Variants in BRINP3 observed in about 807,000 individuals in gnomAD.
BRINP3 encodes BMP/retinoic acid-inducible neural-specific protein 3.
BRINP3 carries 19 observed loss-of-function variants against 71.0 expected under a neutral mutation model. The observed-to-expected ratio is 0.27, with a 90% CI of 0.19 to 0.39. The LOEUF (loss-of-function observed/expected upper bound fraction) is 0.39, where lower values mean the gene tolerates loss of function less well. Ranked by LOEUF, BRINP3 falls within the 10% of genes least tolerant of loss-of-function variation. BRINP3 has a pLI of 1.00. For missense variants in BRINP3, 959 were observed against 940.8 expected (o/e 1.02, Z -0.25); for synonymous variants, 380 against 337.7 (o/e 1.13, Z -1.37).
chr1:190,143,557 C>T (rs1360040062), intron 7 of BRINP3, among the ~76,000 whole-genome samples: 2 of 152,140 alleles, frequency 1.3e-5, no homozygotes, highest in Admixed American at 1.3e-4. Flanking sequence ...CAACAAGCAA[C>T]ACCCCCAAAA....
chr1:190,153,153 AT>A (rs528265774), intron 7 of BRINP3, among the ~76,000 whole-genome samples: 4 of 152,004 alleles, frequency 2.6e-5, no homozygotes, highest in Middle Eastern at 3.4e-3. Flanking sequence ...TACATGCACG[AT>A]TTTTTTTCCT....
intron 2 of BRINP3, among the ~76,000 whole-genome samples, chr1:190,430,767 G>A (rs1264907618): frequency 6.6e-6 from 1 of 152,114 alleles, no homozygotes; most frequent in African/African-American, 2.4e-5. Context: ...GTGAAATGTT[G>A]AAAGTATTGA....
At chr1:190,115,357 C>T (rs1653042766) in intron 7 of BRINP3, among the ~76,000 whole-genome samples, 1 of 152,142 alleles carries the variant, frequency 6.6e-6, no homozygotes, top group African/African-American at 2.4e-5. Flanking sequence ...CCCAACACTA[C>T]ACTTCAGTTT....
chr1:190,325,767 C>T (rs145727806), intron 2 of BRINP3, among the ~76,000 whole-genome samples: 515 of 152,100 alleles, frequency 3.4e-3, no homozygotes, highest in African/African-American at 0.012. Context: ...ATTTGCACTG[C>T]CCTTATCCAA....
At position 190,226,063 on chromosome 1, in the gene BRINP3, A is replaced by G. The variant is rs1657345486; in HGVS notation, c.961+19T>C. 4.8e-6 allele frequency: 7 copies of G among 1,448,640 alleles called. No homozygotes were observed. In the East Asian group the frequency reaches 1.2e-4, roughly 26 times the overall value. The allele number at this position is 1,448,640 out of a possible 1,614,324, so 89.7% of individuals were successfully genotyped here. A position where few individuals can be genotyped will look rare whatever the true frequency, so the allele number is the denominator to read the frequency against. On this transcript the variant is annotated intron_variant, in intron 6 of 7. Coordinates refer to ENST00000367462, the MANE Select transcript of BRINP3 (RefSeq NM_199051.3). The stretch of plus-strand genomic sequence containing the variant: ...TTTTGTCAATATTTAAAAGTGTTAT[A>G]TTAAAATACATGTCTTACCTGATTC...
At chr1:190,351,819 C>T (rs1002722626) in intron 2 of BRINP3, among the ~76,000 whole-genome samples, 1 of 151,986 alleles carries the variant, frequency 6.6e-6, no homozygotes, top group Non-Finnish European at 1.5e-5. Flanking sequence ...ATCCAATTTT[C>T]ACCATTTCTA....
In BRINP3 at chr1:190,340,381, ACT is replaced by A. The variant is rs1166170442; in HGVS notation, c.237-58633_237-58632del. Among the ~76,000 whole-genome samples the A allele has an allele frequency of 5.3e-5, 8 of 151,756 alleles. No individual in the cohort carries two copies. The South Asian group carries it at 1.7e-3, about 31-fold the overall frequency. The stretch of plus-strand genomic sequence containing the variant: ...CCATCTCATAATCAAATCTTTGAAG[ACT>A]CTGCTGCAGTACAAAATCTTTTATG... On this transcript the variant is annotated intron_variant, in intron 2 of 7. Transcript: ENST00000367462.
At chr1:190,134,899 A>G (rs1303921954) in intron 7 of BRINP3, among the ~76,000 whole-genome samples, 1 of 152,114 alleles carries the variant, frequency 6.6e-6, no homozygotes, top group African/African-American at 2.4e-5. Context: ...GGAGGCTGGG[A>G]AAAGTCAGAT....
At chr1:190,296,765 C>T (rs557935482) in intron 2 of BRINP3, among the ~76,000 whole-genome samples, 2 of 152,066 alleles carry the variant, frequency 1.3e-5, no homozygotes, top group Non-Finnish European at 2.9e-5. Flanking sequence ...TAACAAAGAA[C>T]TATCCACAAA....
chr1:190,322,847 A>G (rs1571744990), intron 2 of BRINP3, among the ~76,000 whole-genome samples: 1 of 152,016 alleles, frequency 6.6e-6, no homozygotes, highest in Non-Finnish European at 1.5e-5. Flanking sequence ...ATCATTATCA[A>G]TGTTCTGAGT....
chr1:190,191,586 C>A (rs1654039583), intron 6 of BRINP3, among the ~76,000 whole-genome samples: 1 of 152,128 alleles, frequency 6.6e-6, no homozygotes, highest in African/African-American at 2.4e-5. Context: ...GACATGATCT[C>A]ATTCCTTTTT....
intron 2 of BRINP3, among the ~76,000 whole-genome samples, chr1:190,401,804 G>T (rs2102360478): frequency 6.6e-6 from 1 of 152,076 alleles, no homozygotes; most frequent in African/African-American, 2.4e-5. Flanking sequence ...GTCCAATAAT[G>T]TTATTTTTAA....
intron 7 of BRINP3, among the ~76,000 whole-genome samples, chr1:190,099,788 T>C (rs756066308): frequency 9.9e-5 from 15 of 152,194 alleles, no homozygotes; most frequent in Non-Finnish European, 1.8e-4. Flanking sequence ...GTTGAAAATA[T>C]CTCATTAAAA....
chr1:190,377,148 TA>T (rs1033619809), intron 2 of BRINP3, among the ~76,000 whole-genome samples: 3 of 152,004 alleles, frequency 2.0e-5, no homozygotes, highest in Non-Finnish European at 4.4e-5. Context: ...AGTGCACCTC[TA>T]AAGCACATGC....
chr1:190,460,950 C>A (rs1213782631), intron 1 of BRINP3, among the ~76,000 whole-genome samples: 1 of 152,090 alleles, frequency 6.6e-6, no homozygotes, highest in Non-Finnish European at 1.5e-5. Flanking sequence ...TCAACAATAC[C>A]AACTTTGCCT....
At position 190,458,124 on chromosome 1, in the gene BRINP3, T is replaced by C. The variant is rs948054430; in HGVS notation, c.-50-3184A>G. On this transcript the variant is annotated intron_variant, in intron 1 of 7. Transcript: ENST00000367462. ...AATTATGAGGTAATTATCACATAATTCGGGGGTTTAATTATTTCTGTTTTT... is the reference window on the plus strand; with the variant it reads ...AATTATGAGGTAATTATCACATAATCCGGGGGTTTAATTATTTCTGTTTTT... Among the ~76,000 whole-genome samples, 3 of 152,022 alleles carry C rather than the reference T, an allele frequency of 2.0e-5. No homozygotes were observed. The South Asian group carries it at 6.2e-4, about 32-fold the overall frequency.
chr1:190,239,795 TA>T (rs1294222040), intron 4 of BRINP3, among the ~76,000 whole-genome samples: 2 of 152,058 alleles, frequency 1.3e-5, no homozygotes, highest in Admixed American at 6.6e-5. Flanking sequence ...GCATATGTAA[TA>T]AAATGCAAAT....
At chr1:190,193,273 A>G (rs1654202754) in intron 6 of BRINP3, among the ~76,000 whole-genome samples, 1 of 152,098 alleles carries the variant, frequency 6.6e-6, no homozygotes, top group Admixed American at 6.6e-5. Context: ...AAATTGACAA[A>G]GAACAAGATG....
intron 4 of BRINP3, among the ~76,000 whole-genome samples, chr1:190,251,495 A>T (rs1571512071): frequency 6.6e-6 from 1 of 151,942 alleles, no homozygotes; most frequent in East Asian, 1.9e-4. Context: ...TAGCTCTAGA[A>T]TTAGAGCTCT....
Sources: allele counts gnomAD v4.1 joint callset (sites outside exome capture counted in the v4.1 genomes callset), GRCh38; gene constraint gnomAD v4.1.1; transcripts MANE v1.5; gene names NCBI Gene and HGNC (gene_info 2026-07-23, HGNC 2026-07-21).